LARGE1: variants seen among roughly 807,000 people sequenced by gnomAD.
LARGE1 encodes the protein xylosyl- and glucuronyltransferase LARGE1.
A neutral mutation model predicts 87.6 loss-of-function variants in LARGE1; 43 were observed. The observed-to-expected ratio is 0.49, with a 90% CI of 0.38 to 0.63. The LOEUF is 0.63. Among genes scored for constraint, LARGE1 ranks in the 30% least tolerant of loss-of-function variants. The pLI is 0.00. For synonymous variants in LARGE1, 434 were observed against 394.6 expected (o/e 1.10, Z -1.18); for missense variants, 802 against 1,000.2 (o/e 0.80, Z 2.67).
intron 9 of LARGE1, among the ~76,000 whole-genome samples, chr22:33,379,326 CAT>C (rs2065085237): frequency 6.6e-6 from 1 of 151,086 alleles, no homozygotes; most frequent in Admixed American, 6.6e-5. Flanking sequence ...AGGTTTGTTA[CAT>C]ATGTGTACAT....
intron 1 of LARGE1, among the ~76,000 whole-genome samples, chr22:33,786,165 G>A (rs1324529722): frequency 2.6e-5 from 4 of 152,102 alleles, no homozygotes. Context: ...TCAGGTGCTG[G>A]GAAGACAGGG....
intron 11 of LARGE1, among the ~76,000 whole-genome samples, chr22:33,204,239 G>A (rs925080151): frequency 1.3e-5 from 2 of 152,092 alleles, no homozygotes. Context: ...GAGTGTTACT[G>A]AGTTGTAGAA....
intron 12 of LARGE1, among the ~76,000 whole-genome samples, chr22:33,289,083 C>T (rs1179528163): frequency 1.3e-5 from 2 of 152,018 alleles, no homozygotes; most frequent in Non-Finnish European, 2.9e-5. Context: ...CTCAGCCTCC[C>T]AAGTAGCTGG....
intron 10 of LARGE1, among the ~76,000 whole-genome samples, chr22:33,330,019 ACC>A (rs1183243734): frequency 1.3e-5 from 2 of 151,290 alleles, no homozygotes; most frequent in African/African-American, 4.9e-5. Context: ...ACAAAAAAAA[ACC>A]CAACAAAACC....
chr22:33,128,392 A>T, the LARGE1 span, among the ~76,000 whole-genome samples: 1 of 152,218 alleles, frequency 6.6e-6, no homozygotes, highest in South Asian at 2.1e-4. Flanking sequence ...AAAATGTGGT[A>T]GGCCAGATGC....
At chr22:33,368,646 C>A (rs2064686908) in intron 9 of LARGE1, among the ~76,000 whole-genome samples, 1 of 151,492 alleles carries the variant, frequency 6.6e-6, no homozygotes, top group Non-Finnish European at 1.5e-5. Context: ...GTGTGTGTGC[C>A]TGTTTGTGTA....
At chr22:33,089,808 C>T in the LARGE1 span, among the ~76,000 whole-genome samples, 1 of 152,014 alleles carries the variant, frequency 6.6e-6, no homozygotes, top group Non-Finnish European at 1.5e-5. Flanking sequence ...TTTTCTGCTT[C>T]TTTATGTAGC....
At chr22:33,473,030 C>A (rs1326376581) in intron 6 of LARGE1, among the ~76,000 whole-genome samples, 1 of 152,152 alleles carries the variant, frequency 6.6e-6, no homozygotes, top group African/African-American at 2.4e-5. Context: ...TGAGGGGTTT[C>A]CTGAATGTAG....
intron 1 of LARGE1, among the ~76,000 whole-genome samples, chr22:33,805,657 C>A (rs568861372): frequency 7.9e-5 from 12 of 152,036 alleles, no homozygotes; most frequent in African/African-American, 2.9e-4. Context: ...TTCCTTGAAC[C>A]CGGGAGGCAG....
intron 6 of LARGE1, among the ~76,000 whole-genome samples, chr22:33,432,916 T>C (rs2067133463): frequency 6.6e-6 from 1 of 152,204 alleles, no homozygotes; most frequent in Non-Finnish European, 1.5e-5. Context: ...AAGAGTGTTG[T>C]CTAGATAACA....
At chr22:33,786,086 A>C (rs1303341580) in intron 1 of LARGE1, among the ~76,000 whole-genome samples, 1 of 152,200 alleles carries the variant, frequency 6.6e-6, no homozygotes, top group Non-Finnish European at 1.5e-5. Flanking sequence ...GGTAGCAAAA[A>C]CATGCTTCTA....
intron 2 of LARGE1, among the ~76,000 whole-genome samples, chr22:33,727,323 G>A (rs2083301535): frequency 1.3e-5 from 2 of 152,200 alleles, no homozygotes; most frequent in South Asian, 4.1e-4. Context: ...TGAACAGAGG[G>A]TGATCCATTC....
At chr22:33,702,126 A>G (rs907003824) in intron 2 of LARGE1, among the ~76,000 whole-genome samples, 12 of 152,250 alleles carry the variant, frequency 7.9e-5, no homozygotes, top group African/African-American at 2.9e-4. Context: ...CACTAGGAAC[A>G]ATGCTTGGCA....
chr22:33,376,444 C>T (rs1252325447), intron 9 of LARGE1, among the ~76,000 whole-genome samples: 1 of 152,182 alleles, frequency 6.6e-6, no homozygotes, highest in African/African-American at 2.4e-5. Context: ...AAATAAGTCT[C>T]GTGCCTGATG....
At chr22:33,209,514 C>T (rs780877395) in intron 11 of LARGE1, among the ~76,000 whole-genome samples, 6 of 152,212 alleles carry the variant, frequency 3.9e-5, no homozygotes, top group Non-Finnish European at 8.8e-5. Context: ...AATCCATTGA[C>T]TTTCCTTTAT....
At chr22:33,845,394 T>C (rs2063400190) in intron 1 of LARGE1, among the ~76,000 whole-genome samples, 1 of 152,108 alleles carries the variant, frequency 6.6e-6, no homozygotes, top group South Asian at 2.1e-4. Flanking sequence ...CCGCAACCTC[T>C]ACCTCCTGGG....
At chr22:33,766,613 C>G (rs972038420) in intron 1 of LARGE1, among the ~76,000 whole-genome samples, 1 of 151,862 alleles carries the variant, frequency 6.6e-6, no homozygotes, top group Non-Finnish European at 1.5e-5. Flanking sequence ...TTAGTAGAGA[C>G]AGGGTTTCAC....
intron 11 of LARGE1, among the ~76,000 whole-genome samples, chr22:33,224,179 T>C (rs1298862953): frequency 6.6e-6 from 1 of 151,760 alleles, no homozygotes; most frequent in African/African-American, 2.4e-5. Context: ...GGCAGGAGAA[T>C]GGTGTGAACC....
chr22:33,919,760 A>G (rs2065890410), intron 1 of LARGE1, among the ~76,000 whole-genome samples: 1 of 152,234 alleles, frequency 6.6e-6, no homozygotes, highest in African/African-American at 2.4e-5. Context: ...GCTCCCTGCC[A>G]GCAGCCTGTG....
Sources: gnomAD v4.1 joint callset for allele counts (sites outside exome capture counted in the v4.1 genomes callset) on GRCh38, gnomAD v4.1.1 for gene constraint, MANE v1.5 for transcripts, NCBI Gene and HGNC (gene_info 2026-07-23, HGNC 2026-07-21) for gene names.